The following IQSEC3 variants were observed in gnomAD, a reference collection of about 807,000 sequenced individuals.
IQSEC3 encodes IQ motif and Sec7 domain ArfGEF 3.
Under a neutral mutation model 105.4 loss-of-function variants are expected in IQSEC3, and 50 were observed. The observed-to-expected ratio is 0.47, with a 90% CI of 0.38 to 0.60. The LOEUF is 0.60. Ranked by LOEUF, IQSEC3 falls within the 20% of genes least tolerant of loss-of-function variation. IQSEC3 has a pLI of 0.00. For missense variants in IQSEC3, 1,415 were observed against 1,630.0 expected, an observed-to-expected ratio of 0.87 and a Z score of 2.27; for synonymous variants, 708 against 746.0, an observed-to-expected ratio of 0.95 and a Z score of 0.83.
At chr12:104,004 C>A (rs1369126888) in intron 2 of IQSEC3, among the ~76,000 whole-genome samples, 1 of 147,098 alleles carries the variant, frequency 6.8e-6, no homozygotes, top group Non-Finnish European at 1.5e-5. Context: ...TGAGCCTCTG[C>A]TAACTGAACT....
rs1312117970 is a variant in IQSEC3, at chr12:112,102, G to C, written c.623+12888G>C. On this transcript the variant is annotated intron_variant, in intron 2 of 13. Coordinates refer to ENST00000538872, the MANE Select transcript of IQSEC3 (RefSeq NM_001170738.2). ...GTAGGTGGTTTTTTAGGGTTGTTTT[G>C]CTCCATTTTGTTGCAGCCCACAATG... Among the ~76,000 whole-genome samples, 7 of 152,122 alleles carry C rather than the reference G, an allele frequency of 4.6e-5. No homozygotes were observed. The East Asian group carries it at 5.8e-4, about 13-fold the overall frequency.
intron 3 of IQSEC3, among the ~76,000 whole-genome samples, chr12:134,377 T>C (rs1322377548): frequency 6.6e-6 from 1 of 152,230 alleles, no homozygotes; most frequent in Non-Finnish European, 1.5e-5. Flanking sequence ...AGCATAGACA[T>C]TGCCCAGTAG....
chr12:125,610 G>C, intron 2 of IQSEC3, 23 bp from the exon 3 acceptor site: 3 of 1,474,076 alleles, frequency 2.0e-6, no homozygotes, highest in Non-Finnish European at 2.7e-6. Flanking sequence ...CCCCAACCGA[G>C]CACCGTTGCC....
At chr12:165,589 C>G in intron 10 of IQSEC3, 56 bp downstream of exon 10, 1 of 1,547,228 alleles carries the variant, frequency 6.5e-7, no homozygotes, top group Non-Finnish European at 8.9e-7. Context: ...GATGAAATGG[C>G]TGGGGCGAGT....
At chr12:108,548 G>T (rs546082625) in intron 2 of IQSEC3, among the ~76,000 whole-genome samples, 1 of 152,304 alleles carries the variant, frequency 6.6e-6, no homozygotes, top group East Asian at 1.9e-4. Context: ...TTAAGGTCTG[G>T]TCTAACTTTG....
At chr12:151,255 G>T (rs1471793489) in intron 5 of IQSEC3, among the ~76,000 whole-genome samples, 14 of 143,666 alleles carry the variant, frequency 9.7e-5, no homozygotes, top group Non-Finnish European at 1.5e-4. Context: ...CCAAGATGGA[G>T]ACTCCGTCTC....
intron 1 of IQSEC3, among the ~76,000 whole-genome samples, chr12:84,737 T>C (rs1048484171): frequency 1.3e-5 from 2 of 152,190 alleles, no homozygotes; most frequent in Non-Finnish European, 2.9e-5. Context: ...GCTGTTTTTG[T>C]GGGCATGTGA....
chr12:88,490 C>G (rs572524525), intron 1 of IQSEC3, among the ~76,000 whole-genome samples: 2 of 152,142 alleles, frequency 1.3e-5, no homozygotes, highest in African/African-American at 2.4e-5. Flanking sequence ...TCAAAGCTCC[C>G]CCAAAGAAAA....
At position 162,017 on chromosome 12, in the gene IQSEC3, C is replaced by T. The variant is rs782738009; in HGVS notation, c.2535C>T (p.His845=). The T allele has an allele frequency of 4.3e-6, 7 of 1,613,662 alleles. 1 individual carries two copies. Among genetic ancestry groups the T allele is most frequent in the Admixed American group, 3.3e-5 (2 of 60,000 alleles). Residue 845 remains histidine (H), a synonymous_variant, in exon 8 of 14, where the codon CAC becomes CAT. Coordinates refer to ENST00000538872, the MANE Select transcript of IQSEC3 (RefSeq NM_001170738.2). ...AGGAGCTCAAGTCCAATGAGGACCA[C>T]GTCACGTACGTCACCAAGGTGGAGA... is the stretch of plus-strand genomic sequence containing the variant. The part of the protein sequence containing the change: ...QQKELKSNED[H]VTYVTKVEKS...
intron 2 of IQSEC3, among the ~76,000 whole-genome samples, chr12:102,623 C>G (rs1555076504): frequency 6.6e-6 from 1 of 152,218 alleles, no homozygotes; most frequent in Admixed American, 6.5e-5. Context: ...GGCAGAGAAG[C>G]CTCAGCCCTA....
intron 2 of IQSEC3, chr12:111,675 T>C (rs889279297): frequency 2.0e-4 from 30 of 152,246 alleles, no homozygotes; most frequent in African/African-American, 6.8e-4. Flanking sequence ...GTCACTTTAG[T>C]TGTCTCCTGA....
intron 7 of IQSEC3, among the ~76,000 whole-genome samples, chr12:161,210 G>A (rs1302277806): frequency 1.3e-5 from 2 of 152,204 alleles, no homozygotes; most frequent in Non-Finnish European, 2.9e-5. Context: ...TATAAAAGAA[G>A]CGTATAGTCA....
intron 7 of IQSEC3, among the ~76,000 whole-genome samples, chr12:159,746 C>T (rs965561176): frequency 3.3e-5 from 5 of 152,184 alleles, no homozygotes; most frequent in Non-Finnish European, 5.9e-5. Flanking sequence ...CTGGACTGGT[C>T]CTTTCCATCT....
intron 3 of IQSEC3, among the ~76,000 whole-genome samples, chr12:131,414 G>T (rs560096437): frequency 8.5e-5 from 13 of 152,288 alleles, no homozygotes; most frequent in African/African-American, 3.1e-4. Context: ...TTCAGAACGG[G>T]ATTGGGGTAG....
intron 1 of IQSEC3, among the ~76,000 whole-genome samples, chr12:98,454 A>G (rs1383227238): frequency 2.0e-5 from 3 of 152,240 alleles, no homozygotes; most frequent in Non-Finnish European, 4.4e-5. Context: ...ATATGCAGCT[A>G]GGGCTGAGAA....
At chr12:103,637 C>T (rs868907015) in intron 2 of IQSEC3, among the ~76,000 whole-genome samples, 84 of 43,742 alleles carry the variant, frequency 1.9e-3, no homozygotes, top group Non-Finnish European at 2.5e-3. Context: ...AGGGGGGAGG[C>T]GGGGCTCAGG....
intron 6 of IQSEC3, 74 bp from the exon 7 acceptor site, chr12:157,453 AC>A (rs1449922943): frequency 2.2e-5 from 23 of 1,048,542 alleles, no homozygotes; most frequent in East Asian, 1.2e-4. Context: ...CCCCCTGGAC[AC>A]CCCCTTCCTT....
chr12:157,749 C>G, intron 7 of IQSEC3, 55 bp downstream of exon 7: 1 of 1,555,300 alleles, frequency 6.4e-7, no homozygotes, highest in Non-Finnish European at 8.7e-7. Context: ...AGGCCCCATT[C>G]TGTGCACCGT....
Position 175,128 on chromosome 12 carries a change from C to T in IQSEC3, c.*95C>T. 1 of 962,780 alleles carries T rather than the reference C, an allele frequency of 1.0e-6. No homozygotes were observed. The highest frequency in any genetic ancestry group is 1.5e-6 in the Non-Finnish European group (1 of 671,932). The allele number at this position is 962,780 out of a possible 1,614,324, so 59.6% of individuals were successfully genotyped here. ...TCCCCATACCCTGGCACGATGCGTT[C>T]CTGGTCACTGATCACCATCATTTTG... On this transcript the variant is annotated 3_prime_UTR_variant, in exon 14 of 14. Transcript: ENST00000538872.
Sources: gnomAD v4.1 joint callset for allele counts (sites outside exome capture counted in the v4.1 genomes callset) on GRCh38, gnomAD v4.1.1 for gene constraint, MANE v1.5 for transcripts, NCBI Gene and HGNC (gene_info 2026-07-23, HGNC 2026-07-21) for gene names.